PTPRN2: variants seen among roughly 807,000 people sequenced by gnomAD.
PTPRN2 encodes receptor-type tyrosine-protein phosphatase N2.
Under a neutral mutation model 118.8 loss-of-function variants are expected in PTPRN2, and 74 were observed. The ratio of observed to expected loss-of-function variants is 0.62; its 90% confidence interval spans 0.52 to 0.76. The LOEUF (loss-of-function observed/expected upper bound fraction) is 0.76, where lower values mean the gene tolerates loss of function less well. Among genes scored for constraint, PTPRN2 ranks in the 30% least tolerant of loss-of-function variants. The probability of loss-of-function intolerance (pLI) is 0.00; values close to 1 mark genes in which losing one functional copy is unlikely to be tolerated. For synonymous variants in PTPRN2, 641 were observed against 608.0 expected (o/e 1.05, Z -0.80); for missense variants, 1,481 against 1,394.4 (o/e 1.06, Z -0.99).
At position 157,861,093 on chromosome 7, in the gene PTPRN2, C is replaced by T. The variant is rs947968131; in HGVS notation, c.1788+37580G>A. Among the ~76,000 whole-genome samples, 4 of 152,204 alleles carry T rather than the reference C, an allele frequency of 2.6e-5. 1 individual carries two copies. The highest frequency in any genetic ancestry group is 5.9e-5 in the Non-Finnish European group (4 of 68,034). ...AAGAGGAACCCCACGGCACAGCGGA[C>T]ACCATGTGGGACCCCAGCACGGGCG... On this transcript the variant is annotated intron_variant, in intron 12 of 22. Transcript: ENST00000389418. The surrounding 1 kb of genome is among the most constrained non-coding windows in gnomAD (Gnocchi z 5.8).
intron 12 of PTPRN2, among the ~76,000 whole-genome samples, chr7:157,692,992 G>A (rs533706609): frequency 3.3e-5 from 5 of 152,074 alleles, no homozygotes; most frequent in Non-Finnish European, 7.4e-5. Context: ...CTCCTCCGGT[G>A]CCTCGGCGTC....
intron 13 of PTPRN2, among the ~76,000 whole-genome samples, chr7:157,657,212 TAC>T (rs1223890693): frequency 2.6e-5 from 3 of 115,582 alleles, no homozygotes; most frequent in Admixed American, 1.8e-4. Flanking sequence ...ATCACACATA[TAC>T]ACACACATAC....
chr7:158,192,519 C>G, intron 4 of PTPRN2, 24 bp from the exon 5 acceptor site: 4 of 1,563,920 alleles, frequency 2.6e-6, no homozygotes, highest in Non-Finnish European at 3.4e-6. Context: ...AGAAACCAGA[C>G]ATCAACCGCA....
intron 11 of PTPRN2, among the ~76,000 whole-genome samples, chr7:157,991,055 G>C (rs1394744408): frequency 1.3e-5 from 2 of 152,170 alleles, no homozygotes; most frequent in Non-Finnish European, 2.9e-5. Flanking sequence ...GCCAGGCTTT[G>C]GGGTGTGGAT....
At chr7:157,970,434 G>T (rs936398582) in intron 11 of PTPRN2, among the ~76,000 whole-genome samples, 3 of 152,218 alleles carry the variant, frequency 2.0e-5, no homozygotes, top group African/African-American at 7.2e-5. Context: ...GAAAGAAGGG[G>T]AAAGTCTCTA....
intron 2 of PTPRN2, among the ~76,000 whole-genome samples, chr7:158,443,876 G>A (rs181923587): frequency 2.6e-5 from 4 of 152,326 alleles, no homozygotes; most frequent in East Asian, 1.9e-4. Flanking sequence ...TGCCTGGGAC[G>A]GCCAGGGGCA....
At chr7:158,363,494 G>A (rs990678110) in intron 2 of PTPRN2, among the ~76,000 whole-genome samples, 10 of 152,322 alleles carry the variant, frequency 6.6e-5, no homozygotes, top group Middle Eastern at 6.8e-3. Flanking sequence ...CTGCAGCCCC[G>A]TCGAAGCCTG....
chr7:157,588,703 T>C (rs900021409), intron 17 of PTPRN2, among the ~76,000 whole-genome samples: 8 of 152,238 alleles, frequency 5.3e-5, no homozygotes, highest in Non-Finnish European at 1.0e-4. Context: ...ACACCTACTC[T>C]GGAAATGCCG....
intron 12 of PTPRN2, among the ~76,000 whole-genome samples, chr7:157,683,505 G>T (rs1243731942): frequency 1.3e-5 from 2 of 152,200 alleles, no homozygotes. Flanking sequence ...AAAGGCGAGC[G>T]CTGGTCGAAT....
intron 1 of PTPRN2, among the ~76,000 whole-genome samples, chr7:158,502,498 C>A (rs917325505): frequency 1.3e-5 from 2 of 152,202 alleles, no homozygotes; most frequent in South Asian, 2.1e-4. Flanking sequence ...GACACAGCCA[C>A]CCCTCAGGGG....
intron 2 of PTPRN2, among the ~76,000 whole-genome samples, chr7:158,326,049 C>T (rs779862989): frequency 1.6e-4 from 25 of 152,184 alleles, no homozygotes; most frequent in Non-Finnish European, 2.2e-4. Flanking sequence ...GGGCTCAGGG[C>T]GCACTTTCCA....
In PTPRN2 at chr7:157,794,241, G is replaced by A. The variant is rs540034121; in HGVS notation, c.1788+104432C>T. On this transcript the variant is annotated intron_variant, in intron 12 of 22. Coordinates refer to ENST00000389418, the MANE Select transcript of PTPRN2 (RefSeq NM_002847.5). This position sits in a 1 kb window ranked among gnomAD's most constrained non-coding sequence, Gnocchi z 5.2. ...CACACCTCCCCTCGTTCTCTGCTCC[G>A]ACCCGGGCTCACACCTCCCCTCGTT... 6.7e-6 allele frequency among the ~76,000 whole-genome samples: 1 copy of A among 148,568 alleles called. No homozygotes were observed. The highest frequency in any genetic ancestry group is 1.5e-5 in the Non-Finnish European group (1 of 67,412).
chr7:158,109,646 G>C (rs73748068), intron 10 of PTPRN2, among the ~76,000 whole-genome samples: 40,993 of 151,054 alleles, frequency 0.27, 5,691 homozygotes, highest in South Asian at 0.4. Context: ...GTGTCTGAAT[G>C]ATGTCACCCC....
rs143084139 is a variant in PTPRN2, at chr7:157,785,224, C to T, written c.1789-102287G>A. ...CCCGGGCCCACGTGGGGACACGCCC[C>T]GCCCCACAGGCTTGCACCGGGGTGC... is the stretch of plus-strand genomic sequence containing the variant. On this transcript the variant is annotated intron_variant, in intron 12 of 22. Transcript: ENST00000389418. The surrounding 1 kb of genome is among the most constrained non-coding windows in gnomAD (Gnocchi z 7.3). Among the ~76,000 whole-genome samples, 490 of 152,196 alleles carry T rather than the reference C, an allele frequency of 3.2e-3. 4 individuals are homozygous for T. Among genetic ancestry groups the T allele is most frequent in the African/African-American group, 0.011 (438 of 41,542 alleles).
intron 11 of PTPRN2, among the ~76,000 whole-genome samples, chr7:157,983,454 T>G (rs1456911102): frequency 1.4e-5 from 2 of 143,578 alleles, no homozygotes; most frequent in African/African-American, 2.6e-5. Flanking sequence ...GAGTGCGGGG[T>G]CTCCCCCAAA....
rs1459242911 is a variant in PTPRN2 at position 157,929,492 on chromosome 7, C to T, written c.1724-30755G>A. ...CTTAAGCTCAGACGCCCACCCAGCA[C>T]AGCCTCCGCCGCAGCCTGGCAGCCC... On this transcript the variant is annotated intron_variant, in intron 11 of 22. Coordinates refer to ENST00000389418, the MANE Select transcript of PTPRN2 (RefSeq NM_002847.5). This position sits in a 1 kb window ranked among gnomAD's most constrained non-coding sequence, Gnocchi z 4.4. 6.6e-6 allele frequency among the ~76,000 whole-genome samples: 1 copy of T among 152,130 alleles called. No individual in the cohort carries two copies. The highest frequency in any genetic ancestry group is 1.9e-4 in the East Asian group (1 of 5,184).
At chr7:157,730,429 C>G (rs1041855261) in intron 12 of PTPRN2, among the ~76,000 whole-genome samples, 6 of 152,218 alleles carry the variant, frequency 3.9e-5, no homozygotes, top group Non-Finnish European at 8.8e-5. Flanking sequence ...GCAGCTTAAG[C>G]CCCTGAGCCC....
intron 4 of PTPRN2, among the ~76,000 whole-genome samples, chr7:158,193,637 G>A (rs1405149325): frequency 6.6e-6 from 1 of 152,026 alleles, no homozygotes; most frequent in Non-Finnish European, 1.5e-5. Flanking sequence ...GGGACACGAT[G>A]GGCATGGCCT....
At chr7:158,016,808 C>T (rs1430919559) in intron 11 of PTPRN2, among the ~76,000 whole-genome samples, 1 of 152,116 alleles carries the variant, frequency 6.6e-6, no homozygotes, top group Non-Finnish European at 1.5e-5. Context: ...GCACACCATG[C>T]GGCAGGAATA....
Sources: gnomAD v4.1 joint callset for allele counts (sites outside exome capture counted in the v4.1 genomes callset) on GRCh38, gnomAD v4.1.1 for gene constraint, Gnocchi (gnomAD v3.1) non-coding constraint, MANE v1.5 for transcripts, NCBI Gene and HGNC (gene_info 2026-07-23, HGNC 2026-07-21) for gene names.